Variants in NRXN3 observed in about 807,000 individuals in gnomAD.
The protein encoded by NRXN3 is neurexin III.
Under a neutral mutation model 137.6 loss-of-function variants are expected in NRXN3, and 32 were observed. The observed-to-expected ratio is 0.23, with a 90% confidence interval of 0.18 to 0.31. The LOEUF (loss-of-function observed/expected upper bound fraction) is 0.31. Ranked by LOEUF, NRXN3 falls within the 10% of genes least tolerant of loss-of-function variation. The probability of loss-of-function intolerance (pLI) is 1.00; values close to 1 mark genes in which losing one functional copy is unlikely to be tolerated. For missense variants in NRXN3, 1,574 were observed against 2,062.5 expected, an observed-to-expected ratio of 0.76 and a Z score of 4.59; for synonymous variants, 798 against 784.5, an observed-to-expected ratio of 1.02 and a Z score of -0.29.
intron 4 of NRXN3, among the ~76,000 whole-genome samples, chr14:78,627,749 T>A (rs1174353134): frequency 6.6e-6 from 1 of 152,242 alleles, no homozygotes; most frequent in Non-Finnish European, 1.5e-5. Flanking sequence ...GAAACTATAC[T>A]AGCCTTGTAA....
intron 16 of NRXN3, among the ~76,000 whole-genome samples, chr14:79,500,250 A>AC (rs201849023): frequency 0.026 from 3,964 of 150,330 alleles, 184 homozygotes; most frequent in African/African-American, 0.092. Flanking sequence ...AAAAAAAAAA[A>AC]AAAAAACCCA....
intron 19 of NRXN3, among the ~76,000 whole-genome samples, chr14:79,710,771 G>GACAAAAACCCTCTTTTCTTAT (rs1277824900): frequency 1.3e-5 from 2 of 152,184 alleles, no homozygotes; most frequent in Admixed American, 6.5e-5. Flanking sequence ...TCAGTAAACA[G>GACAAAAACCCTCTTTTCTTAT]ACAAAAACCC....
At chr14:79,818,043 TG>T (rs1312194098) in intron 20 of NRXN3, among the ~76,000 whole-genome samples, 1 of 142,442 alleles carries the variant, frequency 7.0e-6, no homozygotes, top group African/African-American at 2.6e-5. Flanking sequence ...TATGTGCACT[TG>T]GGTTTTTTTT....
chr14:79,716,642 G>C (rs2098824571), intron 19 of NRXN3, among the ~76,000 whole-genome samples: 1 of 151,424 alleles, frequency 6.6e-6, no homozygotes, highest in African/African-American at 2.4e-5. Context: ...TAGCCCCTCT[G>C]TTTAATTTTG....
intron 4 of NRXN3, among the ~76,000 whole-genome samples, chr14:78,407,763 C>G (rs1417137185): frequency 6.6e-6 from 1 of 152,156 alleles, no homozygotes; most frequent in African/African-American, 2.4e-5. Context: ...GCTGCCTTCA[C>G]ACATCCCATT....
chr14:78,790,475 C>G (rs760356505), intron 8 of NRXN3, among the ~76,000 whole-genome samples: 7 of 152,144 alleles, frequency 4.6e-5, no homozygotes, highest in Non-Finnish European at 1.0e-4. Flanking sequence ...ACCGTTGGGT[C>G]TGTTTGGAGC....
chr14:79,827,021 T>A (rs756485986), intron 20 of NRXN3, among the ~76,000 whole-genome samples: 4 of 152,154 alleles, frequency 2.6e-5, no homozygotes, highest in Non-Finnish European at 5.9e-5. Flanking sequence ...CAATGCTTTT[T>A]ATTAGTGTTT....
intron 11 of NRXN3, among the ~76,000 whole-genome samples, chr14:78,961,217 G>T (rs2099407560): frequency 6.6e-6 from 1 of 152,070 alleles, no homozygotes; most frequent in Non-Finnish European, 1.5e-5. Flanking sequence ...ACGTCTAAGG[G>T]CCATGAAAGG....
chr14:78,813,796 A>G (rs2153105234), intron 10 of NRXN3, among the ~76,000 whole-genome samples: 1 of 152,280 alleles, frequency 6.6e-6, no homozygotes, highest in East Asian at 1.9e-4. Context: ...AGAGAAATCA[A>G]TGGGCCATGA....
intron 15 of NRXN3, among the ~76,000 whole-genome samples, chr14:79,039,736 G>T (rs1335516165): frequency 6.6e-6 from 1 of 152,088 alleles, no homozygotes; most frequent in Non-Finnish European, 1.5e-5. Flanking sequence ...GCCCAGGCTA[G>T]AGTGCGGTGG....
rs570478457 is a variant in NRXN3 at position 78,911,840 on chromosome 14, G to C, written c.2276-45402G>C. ...AGGGTGGAGGATGGTCTGAGAGAGA[G>C]ATAAATATTTAGGCCTTAAGGAACC... On this transcript the variant is annotated intron_variant, in intron 10 of 20. Coordinates refer to ENST00000335750, the MANE Select transcript of NRXN3 (RefSeq NM_001330195.2). Among the ~76,000 whole-genome samples, 31 of 151,984 alleles carry C rather than the reference G, an allele frequency of 2.0e-4. 1 individual carries two copies. In the East Asian group the frequency reaches 5.6e-3, roughly 28 times the overall value.
At chr14:78,712,913 G>T (rs144728015) in intron 7 of NRXN3, among the ~76,000 whole-genome samples, 1 of 152,130 alleles carries the variant, frequency 6.6e-6, no homozygotes, top group Admixed American at 6.5e-5. Flanking sequence ...TCTGATCTTC[G>T]CAGCCCTTCA....
At chr14:79,561,524 T>A (rs1462092663) in intron 16 of NRXN3, among the ~76,000 whole-genome samples, 1 of 152,212 alleles carries the variant, frequency 6.6e-6, no homozygotes, top group Non-Finnish European at 1.5e-5. Context: ...ATTTTATTTC[T>A]TTCATTTAGT....
intron 15 of NRXN3, among the ~76,000 whole-genome samples, chr14:79,314,506 C>A (rs1323204461): frequency 5.9e-5 from 2 of 33,666 alleles, no homozygotes; most frequent in South Asian, 2.1e-3. Context: ...CCGCCATTGC[C>A]CAGGCTTGCT....
chr14:78,424,765 G>A (rs904929073), intron 4 of NRXN3, among the ~76,000 whole-genome samples: 11 of 152,102 alleles, frequency 7.2e-5, no homozygotes, highest in African/African-American at 2.4e-4. Flanking sequence ...GCCTGTGCAC[G>A]GTCCCAGTCC....
Position 78,300,810 on chromosome 14 carries a change from A to G in NRXN3, c.757+2950A>G, listed in dbSNP as rs560053628. ...AGATTATAAATTAATGCTTTTAACA[A>G]CAACTGAAAAATAAGAATAAAAATA... On this transcript the variant is annotated intron_variant, in intron 4 of 20. Transcript: ENST00000335750. 1.5e-5 allele frequency: 10 copies of G among 680,330 alleles called. No individual in the cohort carries two copies. In the South Asian group the frequency reaches 1.9e-4, roughly 13 times the overall value. The allele number at this position is 680,330 out of a possible 1,614,324, so 42.1% of individuals were successfully genotyped here.
At chr14:79,551,523 C>G (rs1008506873) in intron 16 of NRXN3, among the ~76,000 whole-genome samples, 1 of 152,180 alleles carries the variant, frequency 6.6e-6, no homozygotes, top group Non-Finnish European at 1.5e-5. Context: ...CTTTCCATCT[C>G]TCTTTTAAGA....
chr14:78,379,385 C>T (rs1421266633), intron 4 of NRXN3, among the ~76,000 whole-genome samples: 1 of 152,080 alleles, frequency 6.6e-6, no homozygotes, highest in South Asian at 2.1e-4. Flanking sequence ...AAGTACAATT[C>T]AGCAATATGT....
chr14:78,469,491 CACTATG>C (rs2095212398), intron 4 of NRXN3, among the ~76,000 whole-genome samples: 1 of 152,142 alleles, frequency 6.6e-6, no homozygotes, highest in African/African-American at 2.4e-5. Context: ...GGCAAAGGGG[CACTATG>C]ACAAAGTCTC....
Sources: allele counts gnomAD v4.1 joint callset (sites outside exome capture counted in the v4.1 genomes callset), GRCh38; gene constraint gnomAD v4.1.1; transcripts MANE v1.5; gene names NCBI Gene and HGNC (gene_info 2026-07-23, HGNC 2026-07-21).